The following UBE2QL1 variants were observed in gnomAD, a reference collection of about 807,000 sequenced individuals.
UBE2QL1 encodes the protein ubiquitin-conjugating enzyme E2Q-like protein 1.
Under a neutral mutation model 12.6 loss-of-function variants are expected in UBE2QL1, and 5 were observed. That is an observed-to-expected ratio of 0.40 (90% CI 0.21 to 0.83). The LOEUF is 0.83. Among genes scored for constraint, UBE2QL1 ranks in the 40% least tolerant of loss-of-function variants. UBE2QL1 has a pLI of 0.37. For missense variants in UBE2QL1, 99 were observed against 222.6 expected (o/e 0.44, Z 3.53); for synonymous variants, 96 against 94.5 (o/e 1.02, Z -0.10).
In UBE2QL1 at chr5:6,491,391, A is replaced by G; in HGVS notation, c.*42A>G. On this transcript the variant is annotated 3_prime_UTR_variant, in exon 2 of 2. Transcript: ENST00000399816. ...TAGACGCTCGAGCGCCTGTCCACAC[A>G]CACACCAGTACCCTGACATCTCCTC... 6.6e-7 allele frequency: 1 copy of G among 1,514,632 alleles called. No homozygotes were observed. The allele number at this position is 1,514,632 out of a possible 1,614,324, so 93.8% of individuals were successfully genotyped here.
rs1403096231 is a variant in UBE2QL1 at position 6,495,947 on chromosome 5, T to C, written c.*4598T>C. Among the ~76,000 whole-genome samples the C allele has an allele frequency of 1.3e-5, 2 of 152,190 alleles. No homozygotes were observed. Among genetic ancestry groups the C allele is most frequent in the East Asian group, 3.8e-4 (2 of 5,198 alleles). ...AATCTGGAAAGGCAAACAAACTCTG[T>C]TGACATTCGGGAAAGCAATAAGTAA... On this transcript the variant is annotated 3_prime_UTR_variant, in exon 2 of 2. Coordinates refer to ENST00000399816, the MANE Select transcript of UBE2QL1 (RefSeq NM_001145161.3).
At position 6,492,649 on chromosome 5, in the gene UBE2QL1, A is replaced by C. The variant is rs929244517; in HGVS notation, c.*1300A>C. On this transcript the variant is annotated 3_prime_UTR_variant, in exon 2 of 2. Coordinates refer to ENST00000399816, the MANE Select transcript of UBE2QL1 (RefSeq NM_001145161.3). ...GCTATCCTTCCATTTAAAATATTTC[A>C]GATATTCTTAAATTTTTTAAATATT... The C allele has an allele frequency of 6.6e-6, 1 of 152,224 alleles. No homozygotes were observed. The highest frequency in any genetic ancestry group is 2.4e-5 in the African/African-American group (1 of 41,456). The allele number at this position is 152,224 out of a possible 1,614,324, so 9.4% of individuals were successfully genotyped here. A position where few individuals can be genotyped will look rare whatever the true frequency, so the allele number is the denominator to read the frequency against.
intron 1 of UBE2QL1, among the ~76,000 whole-genome samples, chr5:6,456,261 G>T (rs1739520593): frequency 6.6e-6 from 1 of 152,214 alleles, no homozygotes; most frequent in African/African-American, 2.4e-5. Flanking sequence ...CCATGGATCT[G>T]ACAATAGACA....
At chr5:6,477,311 C>T (rs1045580241) in intron 1 of UBE2QL1, among the ~76,000 whole-genome samples, 23 of 152,366 alleles carry the variant, frequency 1.5e-4, no homozygotes, top group African/African-American at 5.3e-4. Context: ...TGGTGAATTG[C>T]ACACGGAGCA....
intron 1 of UBE2QL1, among the ~76,000 whole-genome samples, chr5:6,489,931 A>G (rs1226689164): frequency 2.0e-5 from 3 of 152,198 alleles, no homozygotes; most frequent in African/African-American, 7.2e-5. Flanking sequence ...AGTGCCCCGA[A>G]TTGGAAGTGC....
At chr5:6,465,080 G>A (rs1412938116) in intron 1 of UBE2QL1, among the ~76,000 whole-genome samples, 1 of 150,642 alleles carries the variant, frequency 6.6e-6, no homozygotes, top group African/African-American at 2.4e-5. Context: ...TCTGCCTCCT[G>A]GCTTTAAGCA....
At chr5:6,463,576 A>G (rs1166461534) in intron 1 of UBE2QL1, among the ~76,000 whole-genome samples, 1 of 150,264 alleles carries the variant, frequency 6.7e-6, no homozygotes. Context: ...CCCGAAACCC[A>G]GGTAGGCTTT....
At position 6,494,628 on chromosome 5, in the gene UBE2QL1, T is replaced by C. The variant is rs988415043; in HGVS notation, c.*3279T>C. On this transcript the variant is annotated 3_prime_UTR_variant, in exon 2 of 2. Coordinates refer to ENST00000399816, the MANE Select transcript of UBE2QL1 (RefSeq NM_001145161.3). The stretch of plus-strand genomic sequence containing the variant: ...TGGAGACTAAAGATTGTCAACGAAA[T>C]GTAAGTGTCATTTTCGTAGTATTAG... 1 of 152,200 alleles carries C rather than the reference T, an allele frequency of 6.6e-6. No homozygotes were observed. Among genetic ancestry groups the C allele is most frequent in the Non-Finnish European group, 1.5e-5 (1 of 68,052 alleles). The allele number at this position is 152,200 out of a possible 1,614,324, so 9.4% of individuals were successfully genotyped here. A position where few individuals can be genotyped will look rare whatever the true frequency, so the allele number is the denominator to read the frequency against.
rs1007197132 is a variant in UBE2QL1 at position 6,493,011 on chromosome 5, A to G, written c.*1662A>G. Reference sequence around the variant, plus strand: ...TTCAGCAGGGCTGCCCATTCACCAAACTTATTGTTACTTTTGTTTTTCTTT... The same window carrying G: ...TTCAGCAGGGCTGCCCATTCACCAAGCTTATTGTTACTTTTGTTTTTCTTT... On this transcript the variant is annotated 3_prime_UTR_variant, in exon 2 of 2. Coordinates refer to ENST00000399816, the MANE Select transcript of UBE2QL1 (RefSeq NM_001145161.3). 2.0e-5 allele frequency: 3 copies of G among 152,186 alleles called. No individual in the cohort carries two copies. Among genetic ancestry groups the G allele is most frequent in the African/African-American group, 7.2e-5 (3 of 41,428 alleles). 9.4% of individuals were successfully genotyped at this position (152,186 alleles called of 1,614,324 possible). A position where few individuals can be genotyped will look rare whatever the true frequency, so the allele number is the denominator to read the frequency against.
intron 1 of UBE2QL1, among the ~76,000 whole-genome samples, chr5:6,463,869 C>T (rs1043893107): frequency 3.9e-5 from 6 of 152,194 alleles, no homozygotes; most frequent in African/African-American, 1.4e-4. Context: ...CCTCATGATC[C>T]ACCCGCCTCG....
In UBE2QL1 at chr5:6,492,761, T is replaced by A. The variant is rs1278507917; in HGVS notation, c.*1412T>A. 1 of 152,208 alleles carries A rather than the reference T, an allele frequency of 6.6e-6. No homozygotes were observed. Among genetic ancestry groups the A allele is most frequent in the East Asian group, 1.9e-4 (1 of 5,194 alleles). The allele number at this position is 152,208 out of a possible 1,614,324, so 9.4% of individuals were successfully genotyped here. On this transcript the variant is annotated 3_prime_UTR_variant, in exon 2 of 2. Transcript: ENST00000399816. ...TAGGAACCCATAGTCTTTGCAAAAA[T>A]TCAGTAGATTGAAATAGTCCCCAGA...
chr5:6,458,887 T>C (rs1404316555), intron 1 of UBE2QL1, among the ~76,000 whole-genome samples: 1 of 152,206 alleles, frequency 6.6e-6, no homozygotes, highest in Non-Finnish European at 1.5e-5. Flanking sequence ...TTAACCTGGC[T>C]TTGTGCAAGG....
chr5:6,457,929 T>C (rs1739562885), intron 1 of UBE2QL1, among the ~76,000 whole-genome samples: 1 of 152,220 alleles, frequency 6.6e-6, no homozygotes. Flanking sequence ...GTCTGACACA[T>C]GGTACGGAAT....
At chr5:6,451,125 A>G (rs1184360112) in intron 1 of UBE2QL1, among the ~76,000 whole-genome samples, 4 of 152,230 alleles carry the variant, frequency 2.6e-5, no homozygotes, top group African/African-American at 7.2e-5. Flanking sequence ...AGGAATGTGT[A>G]TTCCCTTCTG....
At chr5:6,482,655 A>C (rs552899355) in intron 1 of UBE2QL1, among the ~76,000 whole-genome samples, 49 of 152,284 alleles carry the variant, frequency 3.2e-4, no homozygotes, top group African/African-American at 1.2e-3. Flanking sequence ...AGGCAGAGAC[A>C]TTTTTGGTTG....
rs555847384 is a variant in UBE2QL1 at position 6,458,280 on chromosome 5, T to C, written c.354+9033T>C. Among the ~76,000 whole-genome samples the C allele has an allele frequency of 8.5e-5, 13 of 152,356 alleles. No homozygotes were observed. The East Asian group carries it at 2.5e-3, about 29-fold the overall frequency. On this transcript the variant is annotated intron_variant, in intron 1 of 1. Transcript: ENST00000399816. ...TGACTGAGTTCTTTGATGAAGGAGC[T>C]AAGGAAATACTGTCTGGTAAAGGAT...
chr5:6,464,614 G>A (rs116430823), intron 1 of UBE2QL1, among the ~76,000 whole-genome samples: 2,260 of 152,308 alleles, frequency 0.015, 54 homozygotes, highest in African/African-American at 0.052. Context: ...ATGACTTACG[G>A]CGCTCAGAGC....
chr5:6,473,526 C>T (rs141281516), intron 1 of UBE2QL1, among the ~76,000 whole-genome samples: 1,537 of 152,320 alleles, frequency 0.01, 14 homozygotes, highest in Middle Eastern at 0.017. Flanking sequence ...CATCTGACTG[C>T]AAGGGAGGCA....
intron 1 of UBE2QL1, among the ~76,000 whole-genome samples, chr5:6,485,600 CT>C (rs1398776822): frequency 6.6e-6 from 1 of 152,154 alleles, no homozygotes; most frequent in East Asian, 1.9e-4. Context: ...GTTACGAGTG[CT>C]TTTAGACTGA....
Sources: allele counts gnomAD v4.1 joint callset (sites outside exome capture counted in the v4.1 genomes callset), GRCh38; gene constraint gnomAD v4.1.1; transcripts MANE v1.5; gene names NCBI Gene and HGNC (gene_info 2026-07-23, HGNC 2026-07-21).